ROR2: variants seen among roughly 807,000 people sequenced by gnomAD.
ROR2 encodes the protein ROR family WNT receptor 2.
In ROR2, 33 loss-of-function variants were observed where a neutral mutation model predicts 74.9. The ratio of observed to expected loss-of-function variants is 0.44; its 90% CI spans 0.33 to 0.59. ROR2 has a LOEUF of 0.59. Among genes scored for constraint, ROR2 ranks in the 20% least tolerant of loss-of-function variants. The pLI is 0.02. For missense variants in ROR2, 1,216 were observed against 1,313.8 expected, an observed-to-expected ratio of 0.93 and a Z score of 1.15; for synonymous variants, 586 against 558.7, an observed-to-expected ratio of 1.05 and a Z score of -0.69.
At chr9:91,921,690 C>A (rs1486490035) in intron 1 of ROR2, among the ~76,000 whole-genome samples, 2 of 152,032 alleles carry the variant, frequency 1.3e-5, no homozygotes, top group East Asian at 3.9e-4. Context: ...ATGGTGAAAG[C>A]CTGTCTCTAC....
chr9:91,837,418 C>T (rs1283953622), intron 1 of ROR2, among the ~76,000 whole-genome samples: 2 of 152,234 alleles, frequency 1.3e-5, no homozygotes, highest in Non-Finnish European at 2.9e-5. Context: ...GATCACATCA[C>T]ATCCACTATA....
At chr9:91,741,780 T>A (rs368354138) in intron 4 of ROR2, among the ~76,000 whole-genome samples, 1 of 152,166 alleles carries the variant, frequency 6.6e-6, no homozygotes, top group Non-Finnish European at 1.5e-5. Flanking sequence ...ACCAGCCACA[T>A]TCACAAAGCA....
Position 91,788,537 on chromosome 9 carries a change from T to C in ROR2, c.98-12719A>G, listed in dbSNP as rs1034419925. On this transcript the variant is annotated intron_variant, in intron 1 of 8. Coordinates refer to ENST00000375708, the MANE Select transcript of ROR2 (RefSeq NM_004560.4). ...CAGGGGGACAACACAATCATAGTGT[T>C]GGGGAAAAAAAAAAAAAGATTTTTC... is the stretch of plus-strand genomic sequence containing the variant. Among the ~76,000 whole-genome samples the C allele has an allele frequency of 4.7e-5, 7 of 148,760 alleles. No individual in the cohort carries two copies. In the Admixed American group the frequency reaches 4.7e-4, roughly 10 times the overall value.
chr9:91,737,606 C>A, intron 4 of ROR2, 88 bp from the exon 5 acceptor site: 1 of 1,587,756 alleles, frequency 6.3e-7, no homozygotes, highest in Non-Finnish European at 8.6e-7. Flanking sequence ...ATCTTGCGAT[C>A]CAGCAATTTT....
rs191982090 is a variant in ROR2, at chr9:91,924,522, G to A, written c.97+25345C>T. On this transcript the variant is annotated intron_variant, in intron 1 of 8. Coordinates refer to ENST00000375708, the MANE Select transcript of ROR2 (RefSeq NM_004560.4). ...AAAATTTCTGATTCAGGCCGGGCAC[G>A]ATGGCTTACGCCTGTAATCCCAGCA... 3.3e-5 allele frequency among the ~76,000 whole-genome samples: 5 copies of A among 152,378 alleles called. No individual in the cohort carries two copies. The East Asian group carries it at 5.8e-4, about 18-fold the overall frequency.
At chr9:91,931,103 G>A (rs575427269) in intron 1 of ROR2, among the ~76,000 whole-genome samples, 3 of 152,192 alleles carry the variant, frequency 2.0e-5, no homozygotes, top group South Asian at 2.1e-4. Context: ...ACAAAAATGA[G>A]ATCAAATATG....
At position 91,724,754 on chromosome 9, in the gene ROR2, G is replaced by A. The variant is rs755278184; in HGVS notation, c.1740C>T (p.Asp580=). The A allele has an allele frequency of 2.5e-6, 4 of 1,613,882 alleles. No homozygotes were observed. The South Asian group carries it at 3.3e-5, about 13-fold the overall frequency. ...PHSDVGSTDD[D]RTVKSALEPP... is the part of the protein sequence containing the mutation. ...GCTCCAGGGCGGACTTCACCGTGCG[G>A]TCATCATCGGTGCTGCCCACGTCCG... The change falls in exon 9 of 9, where the codon GAC becomes GAT. Residue 580 remains aspartate, a synonymous_variant. Coordinates refer to ENST00000375708, the MANE Select transcript of ROR2 (RefSeq NM_004560.4).
At chr9:91,795,864 G>A (rs1325018753) in intron 1 of ROR2, among the ~76,000 whole-genome samples, 3 of 152,148 alleles carry the variant, frequency 2.0e-5, no homozygotes, top group African/African-American at 7.2e-5. Context: ...AAGCATGAAT[G>A]TACATACAGG....
rs768469342 is a variant in ROR2 at position 91,733,433 on chromosome 9, G to A, written c.626C>T (p.Ala209Val). 4.1e-5 allele frequency: 66 copies of A among 1,610,278 alleles called. No individual in the cohort carries two copies. The East Asian group carries it at 1.4e-3, about 35-fold the overall frequency. ...QGEIENRITA[A>V]FTMIGTSTHL... ...CGTAGACGTGCCGATCATGGTGAAG[G>A]CCGCTGCAGAGCCCGCGAGACTCGC... The change falls in exon 6 of 9, where the codon GCC becomes GTC. Residue 209 changes from alanine to valine, a missense_variant. By Grantham distance (64) the Ala-to-Val change is moderately conservative. Coordinates refer to ENST00000375708, the MANE Select transcript of ROR2 (RefSeq NM_004560.4). This position sits in a 1 kb window ranked among gnomAD's most constrained non-coding sequence, Gnocchi z 5.7.
intron 1 of ROR2, among the ~76,000 whole-genome samples, chr9:91,873,339 G>A (rs898502527): frequency 1.3e-5 from 2 of 152,184 alleles, no homozygotes. Context: ...CCCAGCACCA[G>A]CACTTTGGGA....
chr9:91,752,819 G>T (rs1404267695), intron 4 of ROR2, among the ~76,000 whole-genome samples: 1 of 152,200 alleles, frequency 6.6e-6, no homozygotes, highest in Non-Finnish European at 1.5e-5. Context: ...AAATGTACAA[G>T]TATCTGCAAC....
chr9:91,750,755 A>G (rs1235723648), intron 4 of ROR2, among the ~76,000 whole-genome samples: 1 of 152,180 alleles, frequency 6.6e-6, no homozygotes, highest in African/African-American at 2.4e-5. Flanking sequence ...TGAAAATACC[A>G]CGAGTGTTGA....
At chr9:91,878,569 C>G (rs1180889074) in intron 1 of ROR2, among the ~76,000 whole-genome samples, 1 of 152,222 alleles carries the variant, frequency 6.6e-6, no homozygotes, top group East Asian at 1.9e-4. Context: ...AGAAGCTCCC[C>G]CCTTGCACAT....
At position 91,853,310 on chromosome 9, in the gene ROR2, G is replaced by A. The variant is rs74861256; in HGVS notation, c.98-77492C>T. ...AGTTACTGGGAAAGGTGACCGTGCTGTGAATAGGTAAGGTGGCCCCAACAG... is the reference window on the plus strand; with the variant it reads ...AGTTACTGGGAAAGGTGACCGTGCTATGAATAGGTAAGGTGGCCCCAACAG... On this transcript the variant is annotated intron_variant, in intron 1 of 8. Transcript: ENST00000375708. Among the ~76,000 whole-genome samples, 1,321 of 152,318 alleles carry A rather than the reference G, an allele frequency of 8.7e-3. 22 individuals are homozygous for A. The highest frequency in any genetic ancestry group is 0.03 in the African/African-American group (1,231 of 41,574).
intron 4 of ROR2, among the ~76,000 whole-genome samples, chr9:91,751,826 ATAAAT>A (rs1825604506): frequency 1.3e-5 from 2 of 152,250 alleles, no homozygotes; most frequent in South Asian, 4.1e-4. Context: ...AAAAATCTCA[ATAAAT>A]TATCAAGAAT....
intron 1 of ROR2, among the ~76,000 whole-genome samples, chr9:91,787,803 G>C (rs1330963641): frequency 1.3e-5 from 2 of 149,492 alleles, no homozygotes; most frequent in South Asian, 2.1e-4. Flanking sequence ...GCACAGAATG[G>C]GGGGGAGAAA....
Position 91,757,659 on chromosome 9 carries a change from G to A in ROR2, c.176-100C>T, listed in dbSNP as rs80313635. 164 of 1,347,480 alleles carry A rather than the reference G, an allele frequency of 1.2e-4. 1 individual carries two copies. In the East Asian group the frequency reaches 2.7e-3, roughly 23 times the overall value. The allele number at this position is 1,347,480 out of a possible 1,614,324, so 83.5% of individuals were successfully genotyped here. ...ATGAACTCTTCCAAGGGAAGGTTTC[G>A]ATTTTTGTCACCTACTAAAATAGGT... is the stretch of plus-strand genomic sequence containing the variant. On this transcript the variant is annotated intron_variant, in intron 2 of 8. Coordinates refer to ENST00000375708, the MANE Select transcript of ROR2 (RefSeq NM_004560.4).
At chr9:91,920,588 G>A (rs544787935) in intron 1 of ROR2, among the ~76,000 whole-genome samples, 26 of 152,310 alleles carry the variant, frequency 1.7e-4, no homozygotes, top group Non-Finnish European at 1.9e-4. Context: ...GAGATCAGGT[G>A]AGGAAGCCTA....
chr9:91,775,637 G>T (rs1826392422), intron 2 of ROR2, 104 bp downstream of exon 2: 2 of 1,044,304 alleles, frequency 1.9e-6, no homozygotes, highest in Non-Finnish European at 3.0e-6. Flanking sequence ...GCACCAAGGG[G>T]CCAGAGGACC....
Sources: gnomAD v4.1 joint callset for allele counts (sites outside exome capture counted in the v4.1 genomes callset) on GRCh38, gnomAD v4.1.1 for gene constraint, Gnocchi (gnomAD v3.1) non-coding constraint, MANE v1.5 for transcripts, NCBI Gene and HGNC (gene_info 2026-07-23, HGNC 2026-07-21) for gene names.